CMIP: variants seen among roughly 807,000 people sequenced by gnomAD.
CMIP encodes c-Maf inducing protein.
CMIP carries 13 observed loss-of-function variants against 97.3 expected under a neutral mutation model. The observed-to-expected ratio is 0.13, with a 90% CI of 0.09 to 0.21. The LOEUF is 0.21. CMIP is among the 10% of genes least tolerant of loss of function. CMIP has a pLI of 1.00. For synonymous variants in CMIP, 538 were observed against 436.3 expected (o/e 1.23, Z -2.91); for missense variants, 847 against 1,024.9 (o/e 0.83, Z 2.37).
intron 1 of CMIP, chr16:81,476,357 T>C (rs907576317): frequency 5.9e-6 from 8 of 1,362,488 alleles, no homozygotes; most frequent in Non-Finnish European, 7.3e-6. Context: ...GGAATGTTCC[T>C]GTGAAAGCAG....
chr16:81,450,928 T>C (rs1906168268), intron 1 of CMIP, among the ~76,000 whole-genome samples: 1 of 152,220 alleles, frequency 6.6e-6, no homozygotes. Flanking sequence ...TGGACATGCA[T>C]GCACACAGCT....
At chr16:81,456,940 G>A (rs1013747988) in intron 1 of CMIP, among the ~76,000 whole-genome samples, 26 of 152,248 alleles carry the variant, frequency 1.7e-4, no homozygotes, top group East Asian at 1.9e-4. Context: ...GCAGAGGATC[G>A]CTTCTCACCT....
intron 1 of CMIP, among the ~76,000 whole-genome samples, 174 bp from the exon 2 acceptor site, chr16:81,607,393 A>G (rs2091761539): frequency 1.3e-5 from 2 of 152,226 alleles, no homozygotes; most frequent in African/African-American, 2.4e-5. Flanking sequence ...GCAGCTGGAT[A>G]TGGCCAGCCA....
intron 2 of CMIP, chr16:81,620,574 G>A (rs896859017): frequency 3.0e-6 from 1 of 329,258 alleles, no homozygotes; most frequent in Admixed American, 4.4e-5. Context: ...ATGCCCCTAA[G>A]TCCAGCTGTG....
intron 3 of CMIP, among the ~76,000 whole-genome samples, chr16:81,623,367 C>G (rs555808236): frequency 2.0e-5 from 3 of 152,294 alleles, no homozygotes; most frequent in African/African-American, 7.2e-5. Context: ...TTTAATCAAG[C>G]AGTTTAAAAA....
chr16:81,604,389 T>C (rs1597137386), intron 1 of CMIP, among the ~76,000 whole-genome samples: 1 of 107,154 alleles, frequency 9.3e-6, no homozygotes, highest in Non-Finnish European at 1.8e-5. Flanking sequence ...AGAGCAAAAC[T>C]CTGTCTCAAA....
At chr16:81,619,566 AG>A (rs1229837892) in intron 2 of CMIP, 2 of 152,364 alleles carry the variant, frequency 1.3e-5, no homozygotes, top group East Asian at 3.9e-4. Context: ...GAACCGTCAG[AG>A]GCAGGGTCAC....
chr16:81,685,086 C>T (rs1905245077), intron 10 of CMIP, among the ~76,000 whole-genome samples: 1 of 152,244 alleles, frequency 6.6e-6, no homozygotes, highest in Non-Finnish European at 1.5e-5. Context: ...TCTGGGGACA[C>T]CCAGCCTCAC....
intron 1 of CMIP, among the ~76,000 whole-genome samples, chr16:81,586,739 T>A (rs2091389781): frequency 6.6e-6 from 1 of 152,178 alleles, no homozygotes; most frequent in African/African-American, 2.4e-5. Context: ...CCTCCACACC[T>A]GCACACATAC....
chr16:81,648,587 C>T (rs1012914316), intron 3 of CMIP, among the ~76,000 whole-genome samples: 2 of 151,854 alleles, frequency 1.3e-5, no homozygotes, highest in African/African-American at 4.8e-5. Context: ...AGTTCAAGAC[C>T]AGCCTGGCCA....
chr16:81,567,060 C>T (rs561187850), intron 1 of CMIP, among the ~76,000 whole-genome samples: 11 of 152,192 alleles, frequency 7.2e-5, no homozygotes, highest in Non-Finnish European at 1.3e-4. Context: ...AGGCTGTATG[C>T]TTGCCATCAG....
chr16:81,531,556 C>T (rs1239199998), intron 1 of CMIP, among the ~76,000 whole-genome samples: 1 of 152,214 alleles, frequency 6.6e-6, no homozygotes. Context: ...TTAGTGCTGA[C>T]CAAGTAGGAA....
intron 1 of CMIP, among the ~76,000 whole-genome samples, chr16:81,452,990 G>A (rs1906328182): frequency 6.8e-6 from 1 of 147,906 alleles, no homozygotes; most frequent in African/African-American, 2.5e-5. Flanking sequence ...AAGCCCAGCA[G>A]AACTTTGAAA....
At chr16:81,597,396 A>G (rs927518148) in intron 1 of CMIP, among the ~76,000 whole-genome samples, 6 of 152,228 alleles carry the variant, frequency 3.9e-5, no homozygotes, top group African/African-American at 1.2e-4. Flanking sequence ...CAGGGCGTGA[A>G]GTCCAAAGGT....
In CMIP at chr16:81,693,279, G is replaced by A. The variant is rs1906313936; in HGVS notation, c.1481+95G>A. ...TGGCCCATGCATTCTGGGAGGCAGT[G>A]GTGGCTCCTCTTGGCAGTTCTCTTG... On this transcript the variant is annotated intron_variant, in intron 12 of 20. Coordinates refer to ENST00000537098, the MANE Select transcript of CMIP (RefSeq NM_198390.3). 2.9e-6 allele frequency: 4 copies of A among 1,394,906 alleles called. No homozygotes were observed. The South Asian group carries it at 4.8e-5, about 17-fold the overall frequency. 86.4% of individuals were successfully genotyped at this position (1,394,906 alleles called of 1,614,324 possible).
At chr16:81,537,546 C>CCAAAAAAA (rs1453307752) in intron 1 of CMIP, among the ~76,000 whole-genome samples, 1 of 82,086 alleles carries the variant, frequency 1.2e-5, no homozygotes, top group Non-Finnish European at 2.3e-5. Context: ...AAAAAAAAGA[C>CCAAAAAAA]AAAAAAAAAA....
chr16:81,640,994 C>T (rs896318161), intron 3 of CMIP, among the ~76,000 whole-genome samples: 4 of 152,108 alleles, frequency 2.6e-5, no homozygotes, highest in Non-Finnish European at 4.4e-5. Flanking sequence ...GTGAGCCCCT[C>T]CTCTCCTCTG....
intron 1 of CMIP, among the ~76,000 whole-genome samples, chr16:81,500,272 G>GTCCTTCCTTCCGTCCTTCCTTCCTTCCT (rs2089575971): frequency 3.1e-5 from 2 of 64,792 alleles, no homozygotes; most frequent in Non-Finnish European, 5.9e-5. Context: ...CCTTCCTTCC[G>GTCCTTCCTTCCGTCCTTCCTTCCTTCCT]TCCTTCCTTC....
intron 1 of CMIP, among the ~76,000 whole-genome samples, chr16:81,474,179 G>A (rs1907738068): frequency 6.6e-6 from 1 of 152,078 alleles, no homozygotes. Context: ...GTTCCCCCCT[G>A]CTCAGAGCTT....
Sources: allele counts gnomAD v4.1 joint callset (sites outside exome capture counted in the v4.1 genomes callset), GRCh38; gene constraint gnomAD v4.1.1; transcripts MANE v1.5; gene names NCBI Gene and HGNC (gene_info 2026-07-23, HGNC 2026-07-21).